C3orf20: variants seen among roughly 807,000 people sequenced by gnomAD.
C3orf20 encodes the protein family with sequence similarity 149 member C.
C3orf20 carries 76 observed loss-of-function variants against 88.3 expected under a neutral mutation model. That is an observed-to-expected ratio of 0.86 (90% CI 0.72 to 1.04). The LOEUF (loss-of-function observed/expected upper bound fraction) is 1.04. Ranked by LOEUF, C3orf20 falls within the 50% of genes least tolerant of loss-of-function variation. The pLI, the probability that C3orf20 is intolerant of heterozygous loss-of-function variation, is 0.00. For synonymous variants in C3orf20, 436 were observed against 437.4 expected, an observed-to-expected ratio of 1.00 and a Z score of 0.04; for missense variants, 1,056 against 1,123.3, an observed-to-expected ratio of 0.94 and a Z score of 0.86.
chr3:14,700,288 TGGGGA>T (rs1365233757), intron 5 of C3orf20, among the ~76,000 whole-genome samples: 8 of 152,158 alleles, frequency 5.3e-5, no homozygotes, highest in African/African-American at 1.7e-4. Context: ...GGTGTTCCTA[TGGGGA>T]GAACAATCAG....
In C3orf20 at chr3:14,768,527, C is replaced by G. The variant is rs2035778660; in HGVS notation, c.2496-3540C>G. Reference sequence around the variant, plus strand: ...GTTCTTGAGCTGAGAGAGACTTGATCAGAGTTGGGCTTTAGACTCATGAAC... The same window carrying G: ...GTTCTTGAGCTGAGAGAGACTTGATGAGAGTTGGGCTTTAGACTCATGAAC... On this transcript the variant is annotated intron_variant, in intron 15 of 16. Transcript: ENST00000253697. This position sits in a 1 kb window ranked among gnomAD's most constrained non-coding sequence, Gnocchi z 4.1. Among the ~76,000 whole-genome samples, 1 of 152,000 alleles carries G rather than the reference C, an allele frequency of 6.6e-6. No individual in the cohort carries two copies. The highest frequency in any genetic ancestry group is 6.5e-5 in the Admixed American group (1 of 15,274).
At chr3:14,716,548 T>C (rs13075489) in intron 9 of C3orf20, among the ~76,000 whole-genome samples, 129,450 of 152,102 alleles carry the variant, frequency 0.85, 55,278 homozygotes, top group Non-Finnish European at 0.89. Flanking sequence ...CACCTCTGCT[T>C]AGGAATATTC....
chr3:14,684,154 C>G (rs2032269746), intron 3 of C3orf20, 88 bp from the exon 4 acceptor site: 1 of 1,549,764 alleles, frequency 6.5e-7, no homozygotes, highest in Non-Finnish European at 8.8e-7. Flanking sequence ...CTCTACCCTT[C>G]TTTCCTGGGC....
chr3:14,723,911 C>T (rs1479140822), intron 10 of C3orf20, among the ~76,000 whole-genome samples: 2 of 151,940 alleles, frequency 1.3e-5, no homozygotes, highest in Admixed American at 6.6e-5. Flanking sequence ...CTGCAGCCTC[C>T]GCCTCCTAGG....
In C3orf20 at chr3:14,721,773, T is replaced by C. The variant is rs1229049357; in HGVS notation, c.1555T>C (p.Tyr519His). 1 of 1,614,200 alleles carries C rather than the reference T, an allele frequency of 6.2e-7. No homozygotes were observed. The highest frequency in any genetic ancestry group is 1.7e-5 in the Admixed American group (1 of 60,024). The change falls in exon 10 of 17, where the codon TAT becomes CAT. Residue 519 changes from tyrosine (Y) to histidine (H), a missense_variant. Tyr to His is a moderately conservative substitution (Grantham distance 83). Transcript: ENST00000253697. ...SANNCPHGMA[Y>H]DKRLNRRISN... ...CAACAATTGTCCCCATGGAATGGCA[T>C]ATGACAAACGGGTAAGGCAAGGCAG...
intron 9 of C3orf20, among the ~76,000 whole-genome samples, chr3:14,717,101 C>T (rs920561253): frequency 6.6e-5 from 10 of 152,224 alleles, no homozygotes; most frequent in African/African-American, 2.4e-4. Context: ...CTAGTGCCAA[C>T]TTTGCCAGAC....
At chr3:14,749,798 CTTAAAT>C (rs2125020289) in intron 12 of C3orf20, among the ~76,000 whole-genome samples, 1 of 151,120 alleles carries the variant, frequency 6.6e-6, no homozygotes, top group Non-Finnish European at 1.5e-5. Flanking sequence ...TAAGTAACAT[CTTAAAT>C]GTGTAACAAT....
chr3:14,688,348 G>C (rs2032540228), intron 4 of C3orf20, among the ~76,000 whole-genome samples: 1 of 151,422 alleles, frequency 6.6e-6, no homozygotes, highest in Admixed American at 6.6e-5. Flanking sequence ...TGGCCAACAT[G>C]ATGAAACCCT....
rs969907645 is a variant in C3orf20 at position 14,743,015 on chromosome 3, G to A, written c.1940+14327G>A. ...ACAGCCAAACCATATAATTCCACCC[G>A]TGGCCCCCCTAAATCTCATGTCCTC... On this transcript the variant is annotated intron_variant, in intron 12 of 16. Transcript: ENST00000253697. Among the ~76,000 whole-genome samples, 10 of 151,724 alleles carry A rather than the reference G, an allele frequency of 6.6e-5. 1 individual carries two copies. Among genetic ancestry groups the A allele is most frequent in the African/African-American group, 1.7e-4 (7 of 41,130 alleles).
Position 14,728,375 on chromosome 3 carries a change from G to A in C3orf20, c.1691-64G>A, listed in dbSNP as rs146674511. ...AGGTGCACTTAGATGTTTCCAGTCT[G>A]GGACCAGGGGCAGAGGAGTCCTGGC... is the stretch of plus-strand genomic sequence containing the variant. On this transcript the variant is annotated intron_variant, in intron 11 of 16. Transcript: ENST00000253697. 1.2e-4 allele frequency: 187 copies of A among 1,598,286 alleles called. 1 individual carries two copies. The African/African-American group carries it at 2.2e-3, about 19-fold the overall frequency.
intron 7 of C3orf20, among the ~76,000 whole-genome samples, chr3:14,713,695 T>C (rs67109352): frequency 0.22 from 33,671 of 152,124 alleles, 4,057 homozygotes; most frequent in South Asian, 0.36. Context: ...CTTTTTAGGT[T>C]TTATACTGAA....
At chr3:14,735,321 T>C (rs577362164) in intron 12 of C3orf20, among the ~76,000 whole-genome samples, 2 of 151,932 alleles carry the variant, frequency 1.3e-5, no homozygotes, top group African/African-American at 4.8e-5. Context: ...CCTGATTGTG[T>C]ATTAATGAAA....
At chr3:14,761,791 C>T (rs536637865) in intron 15 of C3orf20, among the ~76,000 whole-genome samples, 176 bp downstream of exon 15, 5 of 151,960 alleles carry the variant, frequency 3.3e-5, no homozygotes, top group East Asian at 3.9e-4. Flanking sequence ...GCAAAAACTG[C>T]GGCAGGAGGA....
rs770553663 is a variant in C3orf20, at chr3:14,772,048, G to A, written c.2496-19G>A. 31 of 1,613,900 alleles carry A rather than the reference G, an allele frequency of 1.9e-5. No homozygotes were observed. Among genetic ancestry groups the A allele is most frequent in the South Asian group, 3.3e-5 (3 of 91,070 alleles). On this transcript the variant is annotated intron_variant, in intron 15 of 16. Transcript: ENST00000253697. This position sits in a 1 kb window ranked among gnomAD's most constrained non-coding sequence, Gnocchi z 4.2. The stretch of plus-strand genomic sequence containing the variant: ...ACCCTGGGCCCTGAGCACTGCCCCC[G>A]ACCCTGCCTCCCCTGCAGTGTTCCC...
intron 10 of C3orf20, chr3:14,722,059 T>A (rs1328545199): frequency 2.7e-6 from 1 of 372,324 alleles, no homozygotes; most frequent in Non-Finnish European, 4.9e-6. Context: ...AACTGAGAAG[T>A]CTGTCAATAT....
chr3:14,676,494 A>G (rs900736927), intron 1 of C3orf20, among the ~76,000 whole-genome samples: 1 of 152,104 alleles, frequency 6.6e-6, no homozygotes, highest in Non-Finnish European at 1.5e-5. Flanking sequence ...GTTATTTTTA[A>G]TTGTTGCCTA....
intron 1 of C3orf20, among the ~76,000 whole-genome samples, chr3:14,680,662 A>G (rs924000681): frequency 2.0e-5 from 3 of 152,244 alleles, no homozygotes; most frequent in African/African-American, 7.2e-5. Context: ...AAGCTGTTCA[A>G]AAATTCAGTT....
intron 10 of C3orf20, among the ~76,000 whole-genome samples, chr3:14,725,691 C>A (rs1162771526): frequency 6.6e-6 from 1 of 152,084 alleles, no homozygotes; most frequent in African/African-American, 2.4e-5. Flanking sequence ...AAGAAGGACT[C>A]GTGGGCTGAC....
rs760799279 is a variant in C3orf20, at chr3:14,690,166, TGGGGGATA to T, written c.745+53_745+60del. Reference sequence around the variant, plus strand: ...CCATTCATTGGTGGTGGCGGTGGGGTGGGGGATAGGTTTCCGTCTACCCTGTGTAGGTT... The same window carrying T: ...CCATTCATTGGTGGTGGCGGTGGGGTGGTTTCCGTCTACCCTGTGTAGGTT... On this transcript the variant is annotated intron_variant, in intron 5 of 16. Transcript: ENST00000253697. 2.5e-6 allele frequency: 4 copies of T among 1,611,960 alleles called. No homozygotes were observed. The East Asian group carries it at 8.9e-5, about 36-fold the overall frequency.
Sources: allele counts gnomAD v4.1 joint callset (sites outside exome capture counted in the v4.1 genomes callset), GRCh38; gene constraint gnomAD v4.1.1; non-coding constraint Gnocchi (gnomAD v3.1); transcripts MANE v1.5; gene names NCBI Gene and HGNC (gene_info 2026-07-23, HGNC 2026-07-21).